The following MACROD1 variants were observed in gnomAD, a reference collection of about 807,000 sequenced individuals.
The protein encoded by MACROD1 is mono-ADP ribosylhydrolase 1, also known as ADP-ribose glycohydrolase MACROD1.
MACROD1 carries 31 observed loss-of-function variants against 41.4 expected under a neutral mutation model. The observed-to-expected ratio is 0.75, with a 90% CI of 0.56 to 1.01. The LOEUF (loss-of-function observed/expected upper bound fraction) is 1.01. MACROD1 is among the 50% of genes least tolerant of loss of function. The pLI, the probability that MACROD1 is intolerant of heterozygous loss-of-function variation, is 0.00. For synonymous variants in MACROD1, 252 were observed against 203.4 expected (o/e 1.24, Z -2.03); for missense variants, 473 against 460.0 (o/e 1.03, Z -0.26).
At chr11:64,139,285 G>A (rs1027265454) in intron 3 of MACROD1, among the ~76,000 whole-genome samples, 1 of 152,122 alleles carries the variant, frequency 6.6e-6, no homozygotes, top group Non-Finnish European at 1.5e-5. Context: ...GACACCCGGC[G>A]CGGATATAAA....
intron 3 of MACROD1, among the ~76,000 whole-genome samples, chr11:64,023,436 T>TG (rs1196511954): frequency 6.6e-6 from 1 of 152,072 alleles, no homozygotes; most frequent in African/African-American, 2.4e-5. Flanking sequence ...AAGTTAAAAA[T>TG]GCCCGTAAAA....
intron 1 of MACROD1, among the ~76,000 whole-genome samples, chr11:64,163,718 A>G (rs959579718): frequency 1.5e-4 from 23 of 152,368 alleles, no homozygotes; most frequent in African/African-American, 5.0e-4. Context: ...AGAACCACCC[A>G]GCTAAGCTTC....
chr11:64,030,039 C>T (rs959576803), intron 3 of MACROD1, among the ~76,000 whole-genome samples: 1 of 152,116 alleles, frequency 6.6e-6, no homozygotes, highest in Non-Finnish European at 1.5e-5. Flanking sequence ...GACCAGCTGA[C>T]AGGTGGAACA....
chr11:64,055,654 G>A (rs1028707486), intron 3 of MACROD1, among the ~76,000 whole-genome samples: 1 of 152,218 alleles, frequency 6.6e-6, no homozygotes, highest in Non-Finnish European at 1.5e-5. Context: ...GGGCCTGCAT[G>A]TTAGACCAGG....
At position 64,165,766 on chromosome 11, in the gene MACROD1, T is replaced by G. The variant is rs1214264402; in HGVS notation, c.229A>C (p.Thr77Pro). The change falls in exon 1 of 11, where the codon ACT becomes CCT. Residue 77 changes from threonine to proline, a missense_variant. Physicochemically the swap from Thr to Pro is conservative, Grantham distance 38. Transcript: ENST00000255681. Reference protein sequence around the residue: ...AAVGRTAGVRTWAPLAMAAKV... With the variant: ...AAVGRTAGVRPWAPLAMAAKV... The stretch of plus-strand genomic sequence containing the variant: ...GCCGCCATGGCCAGGGGGGCCCAAG[T>G]GCGCACCCCGGCTGTCCGCCCCACC... 2 of 1,499,640 alleles carry G rather than the reference T, an allele frequency of 1.3e-6. No individual in the cohort carries two copies. The highest frequency in any genetic ancestry group is 1.8e-6 in the Non-Finnish European group (2 of 1,130,128). 92.9% of individuals were successfully genotyped at this position (1,499,640 alleles called of 1,614,324 possible).
intron 3 of MACROD1, among the ~76,000 whole-genome samples, chr11:64,025,309 G>A (rs1397807381): frequency 6.6e-6 from 1 of 152,192 alleles, no homozygotes; most frequent in Non-Finnish European, 1.5e-5. Context: ...GAAAGAGTGA[G>A]CACCAGCTCT....
At chr11:63,999,228 G>T in intron 8 of MACROD1, 103 bp downstream of exon 8, 1 of 1,436,850 alleles carries the variant, frequency 7.0e-7, no homozygotes, top group Non-Finnish European at 9.4e-7. Flanking sequence ...AGGAAGGGGC[G>T]GGCCTGGCCC....
chr11:64,041,837 T>C (rs10897472), intron 3 of MACROD1, among the ~76,000 whole-genome samples: 19,448 of 152,058 alleles, frequency 0.13, 2,079 homozygotes, highest in East Asian at 0.45. Flanking sequence ...CCTAGGGACA[T>C]GGCAAGTCGC....
chr11:64,015,811 G>A (rs1247201698), intron 3 of MACROD1, among the ~76,000 whole-genome samples: 2 of 152,122 alleles, frequency 1.3e-5, no homozygotes, highest in African/African-American at 4.8e-5. Flanking sequence ...GCAGTGCTGA[G>A]GGGGCGCAGA....
chr11:64,006,105 C>T (rs1048293364), intron 4 of MACROD1, among the ~76,000 whole-genome samples: 2 of 152,198 alleles, frequency 1.3e-5, no homozygotes, highest in African/African-American at 2.4e-5. Context: ...GTACCAACTG[C>T]GTCAAGGGCA....
chr11:64,038,398 G>A (rs1218275331), intron 3 of MACROD1, among the ~76,000 whole-genome samples: 1 of 152,218 alleles, frequency 6.6e-6, no homozygotes, highest in African/African-American at 2.4e-5. Context: ...GAAGGGCAGT[G>A]CACACATGAG....
chr11:64,029,309 G>A (rs1943263821), intron 3 of MACROD1, among the ~76,000 whole-genome samples: 1 of 152,176 alleles, frequency 6.6e-6, no homozygotes, highest in Non-Finnish European at 1.5e-5. Flanking sequence ...GGGCTGCAGA[G>A]CTTGGGGCCC....
intron 3 of MACROD1, among the ~76,000 whole-genome samples, chr11:64,086,730 T>C (rs1236090852): frequency 1.3e-5 from 2 of 152,136 alleles, no homozygotes; most frequent in East Asian, 3.9e-4. Context: ...AAGGTTCTCG[T>C]GCTCACAGTA....
At position 64,015,249 on chromosome 11, in the gene MACROD1, C is replaced by T. The variant is rs369208391; in HGVS notation, c.547+3G>A. The stretch of plus-strand genomic sequence containing the variant: ...CCCCCACCAAGACAGAAGGTCCACT[C>T]ACCGCCACCGCCTCCGAGCAGGGAG... On this transcript the variant is annotated splice_donor_region_variant and intron_variant, in intron 4 of 10. Coordinates refer to ENST00000255681, the MANE Select transcript of MACROD1 (RefSeq NM_014067.4). 165 of 1,602,018 alleles carry T rather than the reference C, an allele frequency of 1.0e-4. 2 individuals are homozygous for T. The African/African-American group carries it at 2.1e-3, about 21-fold the overall frequency.
intron 3 of MACROD1, chr11:64,060,526 T>C (rs1218554932): frequency 6.6e-6 from 1 of 152,156 alleles, no homozygotes; most frequent in Non-Finnish European, 1.5e-5. Context: ...GAGCTGTGTG[T>C]GCTGTGAGGG....
intron 3 of MACROD1, among the ~76,000 whole-genome samples, chr11:64,102,053 G>A (rs1300741194): frequency 2.6e-5 from 4 of 152,134 alleles, no homozygotes; most frequent in South Asian, 2.1e-4. Context: ...TATTTGTAAC[G>A]GCCTCTGACA....
intron 3 of MACROD1, among the ~76,000 whole-genome samples, chr11:64,060,013 G>GC (rs1464743114): frequency 6.6e-6 from 1 of 152,152 alleles, no homozygotes; most frequent in Non-Finnish European, 1.5e-5. Flanking sequence ...ACGTCCAGGG[G>GC]CCCCCCTCCC....
At chr11:64,059,080 T>C (rs916026893) in intron 3 of MACROD1, among the ~76,000 whole-genome samples, 6 of 152,196 alleles carry the variant, frequency 3.9e-5, no homozygotes, top group Non-Finnish European at 8.8e-5. Context: ...TGGGGGAAAC[T>C]GAGGCTCACA....
At chr11:64,115,563 T>A (rs145908834) in intron 3 of MACROD1, among the ~76,000 whole-genome samples, 1 of 152,180 alleles carries the variant, frequency 6.6e-6, no homozygotes, top group African/African-American at 2.4e-5. Flanking sequence ...AATGTACGAG[T>A]GACAACAGGA....
Sources: allele counts gnomAD v4.1 joint callset (sites outside exome capture counted in the v4.1 genomes callset), GRCh38; gene constraint gnomAD v4.1.1; transcripts MANE v1.5; gene names NCBI Gene and HGNC (gene_info 2026-07-23, HGNC 2026-07-21).